The following TEAD1 variants were observed in gnomAD, a reference collection of about 807,000 sequenced individuals.
TEAD1 encodes the protein transcriptional enhancer factor TEF-1.
Under a neutral mutation model 54.9 loss-of-function variants are expected in TEAD1, and 9 were observed. The ratio of observed to expected loss-of-function variants is 0.16; its 90% CI spans 0.10 to 0.29. The LOEUF (loss-of-function observed/expected upper bound fraction) is 0.29. TEAD1 is among the 10% of genes least tolerant of loss of function. The pLI, the probability that TEAD1 is intolerant of heterozygous loss-of-function variation, is 1.00. For missense variants in TEAD1, 387 were observed against 535.9 expected (o/e 0.72, Z 2.74); for synonymous variants, 200 against 187.8 (o/e 1.07, Z -0.53).
intron 3 of TEAD1, among the ~76,000 whole-genome samples, chr11:12,853,765 A>G (rs1866710): frequency 0.64 from 96,819 of 152,036 alleles, 32,656 homozygotes; most frequent in East Asian, 0.77. Flanking sequence ...GGGAGAACAC[A>G]GTGTTCTATG....
At chr11:12,754,753 CT>C (rs1944951813) in intron 2 of TEAD1, among the ~76,000 whole-genome samples, 1 of 152,148 alleles carries the variant, frequency 6.6e-6, no homozygotes, top group Non-Finnish European at 1.5e-5. Context: ...CAGTTTAGCT[CT>C]TTAAAATGCC....
intron 6 of TEAD1, among the ~76,000 whole-genome samples, chr11:12,880,519 C>CA (rs1947943439): frequency 6.6e-6 from 1 of 152,340 alleles, no homozygotes; most frequent in Admixed American, 6.5e-5. Flanking sequence ...TTCCAGCCCA[C>CA]ACCAATCGCA....
chr11:12,827,646 A>G (rs1456750314), intron 3 of TEAD1, among the ~76,000 whole-genome samples: 1 of 152,210 alleles, frequency 6.6e-6, no homozygotes, highest in Admixed American at 6.5e-5. Flanking sequence ...CAGACTGTCA[A>G]ACGCATCAGA....
intron 3 of TEAD1, among the ~76,000 whole-genome samples, chr11:12,793,818 T>C (rs2133965055): frequency 6.6e-6 from 1 of 152,278 alleles, no homozygotes; most frequent in Middle Eastern, 3.4e-3. Flanking sequence ...TCTCACTGAG[T>C]GCTGACTGTC....
At position 12,939,733 on chromosome 11, in the gene TEAD1, AT is replaced by A. The variant is rs1217111469; in HGVS notation, c.*2516del. 2.0e-5 allele frequency: 3 copies of A among 152,216 alleles called. No individual in the cohort carries two copies. The highest frequency in any genetic ancestry group is 7.2e-5 in the African/African-American group (3 of 41,444). The allele number at this position is 152,216 out of a possible 1,614,324, so 9.4% of individuals were successfully genotyped here. A position where few individuals can be genotyped will look rare whatever the true frequency, so the allele number is the denominator to read the frequency against. ...CCTTGCTCTTACAACATTTCTAAGG[AT>A]TTTTAAAAGTTTACTTCTTGTCTTG... On this transcript the variant is annotated 3_prime_UTR_variant, in exon 13 of 13. Transcript: ENST00000527636.
intron 10 of TEAD1, among the ~76,000 whole-genome samples, chr11:12,908,621 C>T (rs1948560081): frequency 6.6e-6 from 1 of 152,148 alleles, no homozygotes; most frequent in African/African-American, 2.4e-5. Context: ...GAGTCTAAGT[C>T]TTAACTAGAC....
intron 3 of TEAD1, among the ~76,000 whole-genome samples, chr11:12,807,790 A>T (rs1946207835): frequency 6.6e-6 from 1 of 152,192 alleles, no homozygotes; most frequent in South Asian, 2.1e-4. Flanking sequence ...GTTAAGGTGA[A>T]GTAGGTCGTG....
At chr11:12,799,809 T>A (rs1182876836) in intron 3 of TEAD1, among the ~76,000 whole-genome samples, 7 of 152,220 alleles carry the variant, frequency 4.6e-5, no homozygotes, top group African/African-American at 1.7e-4. Flanking sequence ...TCTTTGTTTT[T>A]CTAACCTCCG....
chr11:12,887,087 T>G (rs1218571232), intron 9 of TEAD1, among the ~76,000 whole-genome samples: 5 of 9,484 alleles, frequency 5.3e-4, no homozygotes, highest in South Asian at 5.8e-3. Context: ...TTTTGTTTTT[T>G]TTTTTGTTTG....
At chr11:12,907,379 A>C (rs556206784) in intron 10 of TEAD1, among the ~76,000 whole-genome samples, 1 of 152,142 alleles carries the variant, frequency 6.6e-6, no homozygotes, top group Admixed American at 6.5e-5. Flanking sequence ...TGTTTTAACA[A>C]TTTTTCAGTC....
intron 2 of TEAD1, among the ~76,000 whole-genome samples, chr11:12,758,468 T>G (rs1232681733): frequency 1.4e-5 from 2 of 146,488 alleles, no homozygotes; most frequent in African/African-American, 5.1e-5. Context: ...TGGAGTGCAG[T>G]GGCGCAATCT....
intron 10 of TEAD1, among the ~76,000 whole-genome samples, chr11:12,918,895 T>C (rs1564990327): frequency 1.3e-5 from 2 of 152,212 alleles, no homozygotes; most frequent in Non-Finnish European, 1.5e-5. Flanking sequence ...GTAAACCCTG[T>C]TGCACTTGCT....
At chr11:12,849,560 C>T (rs1947225763) in intron 3 of TEAD1, 1 of 152,216 alleles carries the variant, frequency 6.6e-6, no homozygotes, top group Admixed American at 6.5e-5. Context: ...CATCCCTGAG[C>T]ATGCCATTTT....
At chr11:12,861,193 G>T (rs935245549) in intron 3 of TEAD1, among the ~76,000 whole-genome samples, 1 of 152,204 alleles carries the variant, frequency 6.6e-6, no homozygotes, top group African/African-American at 2.4e-5. Context: ...TGTATGAGTG[G>T]TTTTTATTTC....
chr11:12,926,756 G>T (rs1589996558), intron 11 of TEAD1, among the ~76,000 whole-genome samples: 1 of 152,118 alleles, frequency 6.6e-6, no homozygotes, highest in African/African-American at 2.4e-5. Flanking sequence ...ATAAACAGAA[G>T]AACAGAGGAC....
At chr11:12,788,952 G>A (rs1945741286) in intron 3 of TEAD1, among the ~76,000 whole-genome samples, 1 of 152,184 alleles carries the variant, frequency 6.6e-6, no homozygotes, top group African/African-American at 2.4e-5. Flanking sequence ...GCCTGGCTGT[G>A]TTGCCCACGC....
At chr11:12,791,533 A>G (rs960793516) in intron 3 of TEAD1, among the ~76,000 whole-genome samples, 3 of 152,114 alleles carry the variant, frequency 2.0e-5, no homozygotes, top group Non-Finnish European at 2.9e-5. Flanking sequence ...TTTTGTGACT[A>G]AGATACCTGA....
chr11:12,841,718 T>C (rs148746803), intron 3 of TEAD1, among the ~76,000 whole-genome samples: 1 of 152,294 alleles, frequency 6.6e-6, no homozygotes, highest in African/African-American at 2.4e-5. Flanking sequence ...ACTAGTGCTT[T>C]CTGGTGTTCT....
At chr11:12,676,683 G>A (rs1943100077) in intron 2 of TEAD1, among the ~76,000 whole-genome samples, 1 of 152,200 alleles carries the variant, frequency 6.6e-6, no homozygotes, top group Non-Finnish European at 1.5e-5. Flanking sequence ...TGTCAGTAGT[G>A]AGGTTTTGAA....
Sources: allele counts gnomAD v4.1 joint callset (sites outside exome capture counted in the v4.1 genomes callset), GRCh38; gene constraint gnomAD v4.1.1; transcripts MANE v1.5; gene names NCBI Gene and HGNC (gene_info 2026-07-23, HGNC 2026-07-21).